FAM227A: variants seen among roughly 807,000 people sequenced by gnomAD.
The protein encoded by FAM227A is protein FAM227A.
In FAM227A, 80 loss-of-function variants were observed where a neutral mutation model predicts 74.7. That is an observed-to-expected ratio of 1.07 (90% CI 0.89 to 1.29). The LOEUF is 1.29. Among genes scored for constraint, FAM227A ranks in the 50% most tolerant of loss-of-function variants. The probability of loss-of-function intolerance (pLI) is 0.00; values close to 1 mark genes in which losing one functional copy is unlikely to be tolerated. For synonymous variants in FAM227A, 237 were observed against 241.8 expected (o/e 0.98, Z 0.19); for missense variants, 654 against 683.4 (o/e 0.96, Z 0.48).
intron 15 of FAM227A, among the ~76,000 whole-genome samples, chr22:38,593,391 G>A (rs891638349): frequency 6.6e-6 from 1 of 152,144 alleles, no homozygotes; most frequent in Non-Finnish European, 1.5e-5. Flanking sequence ...TGCAGTCCCA[G>A]CTACTTGGGA....
chr22:38,587,654 A>C (rs773110075), intron 16 of FAM227A, among the ~76,000 whole-genome samples: 40 of 152,334 alleles, frequency 2.6e-4, no homozygotes, highest in Admixed American at 5.9e-4. Flanking sequence ...CAAACCATTA[A>C]GGAAGAATTA....
chr22:38,620,998 A>G lies in FAM227A; in HGVS notation c.959-707T>C, dbSNP rs141088222. Among the ~76,000 whole-genome samples, 597 of 152,014 alleles carry G rather than the reference A, an allele frequency of 3.9e-3. 5 individuals carry two copies. The highest frequency in any genetic ancestry group is 0.014 in the African/African-American group (576 of 41,450). The stretch of plus-strand genomic sequence containing the variant: ...ATTTAATATTCATTAAAATGTCATT[A>G]AACTCAAGCAATTTATGGGTTAGGT... On this transcript the variant is annotated intron_variant, in intron 10 of 16. Transcript: ENST00000535113.
Position 38,638,763 on chromosome 22 carries a change from A to C in FAM227A, c.355T>G (p.Ser119Ala). ...CKGSELRHARSSVIKRKTADK... is the reference protein window; with the variant it reads ...CKGSELRHARASVIKRKTADK... ...TCCCTTACCCTTTTTATAACAGAAG[A>C]TCTGGCATGTCTGAGTTCGGAGCCT... The change falls in exon 5 of 17, where the codon TCT (serine) becomes GCT (alanine). Residue 119 changes from serine (S) to alanine (A), a missense_variant. By Grantham distance (99) the Ser-to-Ala change is moderately conservative. Transcript: ENST00000535113. 1.3e-6 allele frequency: 2 copies of C among 1,549,916 alleles called. No homozygotes were observed. The highest frequency in any genetic ancestry group is 1.7e-6 in the Non-Finnish European group (2 of 1,146,142).
Position 38,597,207 on chromosome 22 carries a change from G to A in FAM227A, c.1529C>T (p.Ser510Phe), listed in dbSNP as rs746509479. Residue 510 changes from serine (S) to phenylalanine (F), a missense_variant, in exon 15 of 17, where the codon TCC (serine) becomes TTC (phenylalanine). Physicochemically the swap from Ser to Phe is radical, Grantham distance 155 (BLOSUM62 -2). Coordinates refer to ENST00000535113, the MANE Select transcript of FAM227A (RefSeq NM_001013647.2). ...KHLKELQDNF[S>F]REMKNIDPKA... ...TTCCCCAAAGCCCCTTCCATACCTGGAGAAGTTGTCTTGCAGCTCCTTTAG... is the reference window on the plus strand; with the variant it reads ...TTCCCCAAAGCCCCTTCCATACCTGAAGAAGTTGTCTTGCAGCTCCTTTAG... 5.2e-5 allele frequency: 80 copies of A among 1,552,192 alleles called. No homozygotes were observed. The South Asian group carries it at 7.9e-4, about 15-fold the overall frequency.
intron 15 of FAM227A, among the ~76,000 whole-genome samples, chr22:38,593,289 G>A (rs2090976408): frequency 6.6e-6 from 1 of 152,232 alleles, no homozygotes. Flanking sequence ...CAGATTACAA[G>A]GTCAGGAGAT....
At chr22:38,604,364 T>C (rs1490643515) in intron 13 of FAM227A, among the ~76,000 whole-genome samples, 2 of 152,118 alleles carry the variant, frequency 1.3e-5, no homozygotes, top group Non-Finnish European at 2.9e-5. Context: ...CTACATTCCT[T>C]GTGGTACTTG....
At chr22:38,655,394 G>C (rs528474512) in intron 1 of FAM227A, among the ~76,000 whole-genome samples, 3 of 151,740 alleles carry the variant, frequency 2.0e-5, no homozygotes, top group Non-Finnish European at 2.9e-5. Flanking sequence ...AGCCGGGCAT[G>C]GTGGTGGGTG....
In FAM227A at chr22:38,654,280, G is replaced by A. The variant is rs146091541; in HGVS notation, c.-95+1840C>T. Among the ~76,000 whole-genome samples, 343 of 152,090 alleles carry A rather than the reference G, an allele frequency of 2.3e-3. 2 individuals carry two copies. Among genetic ancestry groups the A allele is most frequent in the African/African-American group, 8.0e-3 (330 of 41,494 alleles). On this transcript the variant is annotated intron_variant, in intron 1 of 16. Coordinates refer to ENST00000535113, the MANE Select transcript of FAM227A (RefSeq NM_001013647.2). ...GGAGAATTGCTTGAACCCAGGAGGC[G>A]GAGCTTGCAGTGAGCCGGATCGCGC...
rs1258361410 is a variant in FAM227A, at chr22:38,582,805, T to C, written c.*3320A>G. On this transcript the variant is annotated 3_prime_UTR_variant, in exon 17 of 17. Transcript: ENST00000535113. ...CAATCTACTATGGTAACTGCTGCCATAATGGGATGGCACAGAATGCTGTTG... is the reference window on the plus strand; with the variant it reads ...CAATCTACTATGGTAACTGCTGCCACAATGGGATGGCACAGAATGCTGTTG... 7 of 1,547,956 alleles carry C rather than the reference T, an allele frequency of 4.5e-6. No homozygotes were observed. Among genetic ancestry groups the C allele is most frequent in the Admixed American group, 3.9e-5 (2 of 50,944 alleles).
chr22:38,646,315 A>G (rs1287575304), intron 2 of FAM227A, among the ~76,000 whole-genome samples: 14 of 116,816 alleles, frequency 1.2e-4, no homozygotes, highest in Non-Finnish European at 1.9e-4. Flanking sequence ...GCTGGAGTGC[A>G]GTGGCGGGAT....
rs2090756850 is a variant in FAM227A, at chr22:38,584,073, C to T, written c.*2052G>A. The T allele has an allele frequency of 6.6e-6, 1 of 152,250 alleles. No individual in the cohort carries two copies. The highest frequency in any genetic ancestry group is 6.5e-5 in the Admixed American group (1 of 15,280). 9.4% of individuals were successfully genotyped at this position (152,250 alleles called of 1,614,324 possible). A position where few individuals can be genotyped will look rare whatever the true frequency, so the allele number is the denominator to read the frequency against. ...TGCCCCTCAGTGAAATATCTTCTGT[C>T]CCAAAGGGCTGCTGGCACACTGGCT... On this transcript the variant is annotated 3_prime_UTR_variant, in exon 17 of 17. Coordinates refer to ENST00000535113, the MANE Select transcript of FAM227A (RefSeq NM_001013647.2).
chr22:38,629,200 C>T (rs1431648921), intron 6 of FAM227A, among the ~76,000 whole-genome samples: 1 of 152,154 alleles, frequency 6.6e-6, no homozygotes, highest in Non-Finnish European at 1.5e-5. Flanking sequence ...GACAGCTGCT[C>T]CACACCAACT....
chr22:38,591,323 A>T, intron 16 of FAM227A, 112 bp downstream of exon 16: 1 of 1,438,598 alleles, frequency 7.0e-7, no homozygotes, highest in South Asian at 1.7e-5. Flanking sequence ...ACTCTGTCTC[A>T]GTAAAATAAA....
intron 9 of FAM227A, among the ~76,000 whole-genome samples, chr22:38,625,091 T>C (rs1643338573): frequency 6.6e-6 from 1 of 151,802 alleles, no homozygotes; most frequent in Admixed American, 6.6e-5. Context: ...TAGGAGGCGG[T>C]TGAAAAAGCA....
chr22:38,645,574 C>T lies in FAM227A; in HGVS notation c.214G>A (p.Ala72Thr). ...ADINLRTEPS[A>T]NSLAIERFEL... ...CATAGGTAACTCACCAGGCTGTTGG[C>T]CGACGGCTCGGTACGCAGATTTATG... Residue 72 changes from alanine (A) to threonine (T), a missense_variant, in exon 3 of 17, where the codon GCC becomes ACC. Transcript: ENST00000535113. 6.4e-7 allele frequency: 1 copy of T among 1,551,152 alleles called. No homozygotes were observed. Among genetic ancestry groups the T allele is most frequent in the Non-Finnish European group, 8.7e-7 (1 of 1,146,650 alleles).
In FAM227A at chr22:38,580,707, G is replaced by A. The variant is rs2090699397; in HGVS notation, c.*5418C>T. 6.6e-6 allele frequency: 1 copy of A among 152,162 alleles called. No homozygotes were observed. The highest frequency in any genetic ancestry group is 2.4e-5 in the African/African-American group (1 of 41,434). The allele number at this position is 152,162 out of a possible 1,614,324, so 9.4% of individuals were successfully genotyped here. A position where few individuals can be genotyped will look rare whatever the true frequency, so the allele number is the denominator to read the frequency against. On this transcript the variant is annotated 3_prime_UTR_variant, in exon 17 of 17. Coordinates refer to ENST00000535113, the MANE Select transcript of FAM227A (RefSeq NM_001013647.2). ...TTCATATGGGAATGGCATGATAAAT[G>A]CTTATTCATTTACTTACCAATTTTC...
chr22:38,608,956 C>A (rs183313577), intron 11 of FAM227A, among the ~76,000 whole-genome samples: 6 of 152,062 alleles, frequency 3.9e-5, no homozygotes, highest in African/African-American at 1.2e-4. Flanking sequence ...CCACCACACC[C>A]AGCTAATTTT....
At position 38,628,333 on chromosome 22, in the gene FAM227A, C is replaced by A; in HGVS notation, c.631G>T (p.Glu211Ter). Residue 211 changes from glutamate to a stop codon, truncating the protein, a stop_gained, in exon 8 of 17, where the codon GAG becomes TAG. Coordinates refer to ENST00000535113, the MANE Select transcript of FAM227A (RefSeq NM_001013647.2). LOFTEE classifies it high-confidence loss of function. ...IFHERYQPNK[E>*]LQNNLFDRIA... is the part of the protein sequence containing the mutation. ...CGGTCAAACAGATTATTCTGGAGCT[C>A]CTTGTTTGGCTGCCAGGAATAGAAA... 1 of 1,550,108 alleles carries A rather than the reference C, an allele frequency of 6.5e-7. No homozygotes were observed. Among genetic ancestry groups the A allele is most frequent in the Non-Finnish European group, 8.7e-7 (1 of 1,145,800 alleles).
chr22:38,625,201 A>C (rs2091771131), intron 9 of FAM227A, among the ~76,000 whole-genome samples: 2 of 151,964 alleles, frequency 1.3e-5, no homozygotes, highest in African/African-American at 4.8e-5. Context: ...CATCCTGGCT[A>C]ACACAGTGAA....
Sources: allele counts gnomAD v4.1 joint callset (sites outside exome capture counted in the v4.1 genomes callset), GRCh38; gene constraint gnomAD v4.1.1; transcripts MANE v1.5; gene names NCBI Gene and HGNC (gene_info 2026-07-23, HGNC 2026-07-21).